Variants in FRAS1 observed in about 807,000 individuals in gnomAD.
FRAS1 encodes Fraser extracellular matrix complex subunit 1, also known as extracellular matrix organizing protein FRAS1.
In FRAS1, 290 loss-of-function variants were observed where a neutral mutation model predicts 435.2. That is an observed-to-expected ratio of 0.67 (90% CI 0.61 to 0.73). The LOEUF (loss-of-function observed/expected upper bound fraction) is 0.73, where lower values mean the gene tolerates loss of function less well. Among genes scored for constraint, FRAS1 ranks in the 30% least tolerant of loss-of-function variants. The pLI is 0.00. For synonymous variants in FRAS1, 1,800 were observed against 1,851.0 expected, an observed-to-expected ratio of 0.97 and a Z score of 0.71; for missense variants, 4,860 against 5,001.5, an observed-to-expected ratio of 0.97 and a Z score of 0.85.
intron 20 of FRAS1, among the ~76,000 whole-genome samples, chr4:78,346,828 A>T (rs950779356): frequency 6.6e-6 from 1 of 151,956 alleles, no homozygotes; most frequent in Non-Finnish European, 1.5e-5. Context: ...CCCAGAGCCC[A>T]TCTGCCTTCC....
chr4:78,508,377 A>G (rs908453574), intron 62 of FRAS1, among the ~76,000 whole-genome samples: 6 of 152,250 alleles, frequency 3.9e-5, no homozygotes, highest in Non-Finnish European at 7.3e-5. Context: ...ACTATATACC[A>G]TCAACTATTT....
intron 2 of FRAS1, among the ~76,000 whole-genome samples, chr4:78,170,541 T>A (rs1721508872): frequency 6.6e-6 from 1 of 152,114 alleles, no homozygotes; most frequent in African/African-American, 2.4e-5. Context: ...AGATGAGATC[T>A]GCATCTCTCA....
intron 28 of FRAS1, among the ~76,000 whole-genome samples, chr4:78,386,696 A>G (rs1009929864): frequency 3.3e-5 from 5 of 152,100 alleles, no homozygotes; most frequent in African/African-American, 7.2e-5. Flanking sequence ...GTTGTGGTTC[A>G]TTAGCTTTTA....
intron 13 of FRAS1, 43 bp downstream of exon 13, chr4:78,284,591 A>AG: frequency 6.4e-7 from 1 of 1,551,914 alleles, no homozygotes; most frequent in East Asian, 2.3e-5. Flanking sequence ...GGTGTGTGGG[A>AG]GATAGACTCA....
At chr4:78,134,537 C>G (rs768196377) in intron 2 of FRAS1, among the ~76,000 whole-genome samples, 1 of 152,146 alleles carries the variant, frequency 6.6e-6, no homozygotes, top group Non-Finnish European at 1.5e-5. Context: ...GCCTGAGAAA[C>G]TCAAAAGAAA....
At chr4:78,087,515 T>C (rs571408697) in intron 2 of FRAS1, among the ~76,000 whole-genome samples, 3 of 152,182 alleles carry the variant, frequency 2.0e-5, no homozygotes, top group Non-Finnish European at 2.9e-5. Context: ...TGATTGTATC[T>C]GTAGAAAACC....
chr4:78,368,451 G>T (rs1366109772), intron 22 of FRAS1, among the ~76,000 whole-genome samples: 2 of 151,676 alleles, frequency 1.3e-5, no homozygotes, highest in Non-Finnish European at 2.9e-5. Context: ...ACTTAGAGAA[G>T]ATTTCAGAAT....
At chr4:78,436,358 T>G (rs1734429084) in intron 38 of FRAS1, among the ~76,000 whole-genome samples, 1 of 152,178 alleles carries the variant, frequency 6.6e-6, no homozygotes, top group African/African-American at 2.4e-5. Flanking sequence ...AGGATGTTCT[T>G]TACTTTGCTG....
At chr4:78,410,278 C>A in intron 31 of FRAS1, among the ~76,000 whole-genome samples, 1 of 150,876 alleles carries the variant, frequency 6.6e-6, no homozygotes, top group South Asian at 2.1e-4. Flanking sequence ...GTAAATAAGG[C>A]AAATAAAGAT....
At chr4:78,302,494 T>C (rs1249781178) in intron 14 of FRAS1, among the ~76,000 whole-genome samples, 1 of 152,108 alleles carries the variant, frequency 6.6e-6, no homozygotes, top group Non-Finnish European at 1.5e-5. Context: ...TGTTCCTGTT[T>C]CTCCACATCC....
intron 23 of FRAS1, 77 bp downstream of exon 23, chr4:78,370,061 A>G: frequency 1.4e-6 from 2 of 1,434,572 alleles, no homozygotes; most frequent in South Asian, 1.4e-5. Context: ...AGTTTTCCAT[A>G]TTGGGAAAAC....
intron 32 of FRAS1, among the ~76,000 whole-genome samples, chr4:78,415,362 A>G (rs1378773785): frequency 5.9e-5 from 9 of 152,178 alleles, no homozygotes; most frequent in African/African-American, 9.6e-5. Flanking sequence ...CCAAAAATCT[A>G]TGGAAATAAA....
At chr4:78,118,795 G>T (rs945561954) in intron 2 of FRAS1, among the ~76,000 whole-genome samples, 1 of 150,924 alleles carries the variant, frequency 6.6e-6, no homozygotes, top group Non-Finnish European at 1.5e-5. Context: ...ACCCTCCTTC[G>T]GCTTGCACTC....
intron 59 of FRAS1, among the ~76,000 whole-genome samples, chr4:78,491,011 A>C (rs1720335197): frequency 6.6e-6 from 1 of 152,222 alleles, no homozygotes; most frequent in Non-Finnish European, 1.5e-5. Flanking sequence ...AACTACCATC[A>C]AAGAATACTA....
At chr4:78,534,864 A>G (rs1005438346) in intron 71 of FRAS1, among the ~76,000 whole-genome samples, 1 of 152,188 alleles carries the variant, frequency 6.6e-6, no homozygotes, top group African/African-American at 2.4e-5. Context: ...CACTGGTCTG[A>G]GTAGTAAGAA....
intron 18 of FRAS1, among the ~76,000 whole-genome samples, chr4:78,331,587 C>G (rs961615696): frequency 4.6e-5 from 7 of 152,122 alleles, no homozygotes; most frequent in Non-Finnish European, 1.0e-4. Context: ...GGGTTGGTGG[C>G]AATGGAGATC....
intron 25 of FRAS1, among the ~76,000 whole-genome samples, chr4:78,374,536 A>T (rs1017098600): frequency 9.9e-5 from 15 of 152,278 alleles, no homozygotes; most frequent in African/African-American, 3.1e-4. Context: ...CTATTGATCT[A>T]CAGTGAGGGA....
chr4:78,401,857 C>G (rs1032390993), intron 30 of FRAS1, among the ~76,000 whole-genome samples: 2 of 151,332 alleles, frequency 1.3e-5, no homozygotes, highest in Non-Finnish European at 2.9e-5. Context: ...AATCTCAGAC[C>G]AATGATATGT....
At position 78,445,607 on chromosome 4, in the gene FRAS1, T is replaced by C. The variant is rs1366565115; in HGVS notation, c.5751T>C (p.Phe1917=). 6.2e-7 allele frequency: 1 copy of C among 1,613,858 alleles called. No homozygotes were observed. The highest frequency in any genetic ancestry group is 1.1e-5 in the South Asian group (1 of 91,038). The change falls in exon 42 of 74, where the codon TTT becomes TTC. Residue 1917 remains phenylalanine, a synonymous_variant. Coordinates refer to ENST00000512123, the MANE Select transcript of FRAS1 (RefSeq NM_025074.7). ...QDVLENYIYY[F]QSVHESIEPT... is the part of the protein sequence containing the mutation. The stretch of plus-strand genomic sequence containing the variant: ...TCCTGGAAAACTACATTTACTACTT[T>C]CAGAGTGTTCATGAAAGCATTGAGC...
Sources: gnomAD v4.1 joint callset for allele counts (sites outside exome capture counted in the v4.1 genomes callset) on GRCh38, gnomAD v4.1.1 for gene constraint, MANE v1.5 for transcripts, NCBI Gene and HGNC (gene_info 2026-07-23, HGNC 2026-07-21) for gene names.